RPS6KC1: variants seen among roughly 807,000 people sequenced by gnomAD.
RPS6KC1 encodes the protein ribosomal protein S6 kinase C1, also known as inactive ribosomal protein S6 kinase delta-1.
A neutral mutation model predicts 103.8 loss-of-function variants in RPS6KC1; 54 were observed. The observed-to-expected ratio is 0.52, with a 90% CI of 0.42 to 0.65. The LOEUF (loss-of-function observed/expected upper bound fraction) is 0.65. Ranked by LOEUF, RPS6KC1 falls within the 30% of genes least tolerant of loss-of-function variation. The pLI is 0.00. For missense variants in RPS6KC1, 1,151 were observed against 1,253.8 expected (o/e 0.92, Z 1.24); for synonymous variants, 439 against 438.7 (o/e 1.00, Z -0.01).
chr1:213,436,277 G>T, the RPS6KC1 span, among the ~76,000 whole-genome samples: 1 of 152,170 alleles, frequency 6.6e-6, no homozygotes, highest in Non-Finnish European at 1.5e-5. Flanking sequence ...CATTTCGAGT[G>T]TTCAATAGCT....
At chr1:213,399,774 G>C in the RPS6KC1 span, among the ~76,000 whole-genome samples, 1 of 152,120 alleles carries the variant, frequency 6.6e-6, no homozygotes, top group Non-Finnish European at 1.5e-5. Context: ...GTCCATCGCT[G>C]TGGGAAGAAG....
intron 1 of RPS6KC1, among the ~76,000 whole-genome samples, chr1:213,054,663 T>C (rs964606228): frequency 1.3e-5 from 2 of 152,232 alleles, no homozygotes; most frequent in African/African-American, 4.8e-5. Flanking sequence ...AAATTTTGGA[T>C]AGCAAAAGAG....
chr1:213,563,366 C>T, the RPS6KC1 span, among the ~76,000 whole-genome samples: 1 of 151,800 alleles, frequency 6.6e-6, no homozygotes, highest in Non-Finnish European at 1.5e-5. Flanking sequence ...GGTCTTTGTA[C>T]AGATTATATA....
the RPS6KC1 span, among the ~76,000 whole-genome samples, chr1:213,862,289 A>G: frequency 6.6e-6 from 1 of 152,316 alleles, no homozygotes; most frequent in Admixed American, 6.5e-5. Flanking sequence ...CCATGCAAGG[A>G]GAAGAATAGA....
the RPS6KC1 span, among the ~76,000 whole-genome samples, chr1:213,745,844 A>G: frequency 1.3e-5 from 2 of 152,012 alleles, no homozygotes; most frequent in Non-Finnish European, 2.9e-5. Context: ...TTAAATCTCT[A>G]TTTACACCAC....
chr1:213,205,743 A>G (rs1454281656), intron 8 of RPS6KC1, among the ~76,000 whole-genome samples: 2 of 151,528 alleles, frequency 1.3e-5, no homozygotes, highest in East Asian at 1.9e-4. Context: ...ATGCTTTGAT[A>G]TTTTATTCTG....
At chr1:213,074,843 A>ATTTTTTTTTTTTTTTT (rs752747801) in intron 2 of RPS6KC1, among the ~76,000 whole-genome samples, 2 of 71,268 alleles carry the variant, frequency 2.8e-5, no homozygotes, top group African/African-American at 1.2e-4. Flanking sequence ...ACTAGAATAA[A>ATTTTTTTTTTTTTTTT]TTTTTTTTTT....
chr1:213,510,695 G>C, the RPS6KC1 span, among the ~76,000 whole-genome samples: 1 of 152,120 alleles, frequency 6.6e-6, no homozygotes, highest in Non-Finnish European at 1.5e-5. Context: ...CCATTTCACT[G>C]TTTGACTCTA....
At chr1:213,632,164 G>A in the RPS6KC1 span, among the ~76,000 whole-genome samples, 1 of 152,176 alleles carries the variant, frequency 6.6e-6, no homozygotes, top group South Asian at 2.1e-4. Flanking sequence ...ACCCAATGAA[G>A]GACATTTGGG....
chr1:213,700,365 G>A, the RPS6KC1 span, among the ~76,000 whole-genome samples: 103 of 152,056 alleles, frequency 6.8e-4, no homozygotes, highest in Non-Finnish European at 1.4e-3. Flanking sequence ...ATGTGCATGT[G>A]CATTTATTTC....
At chr1:213,499,527 A>C in the RPS6KC1 span, among the ~76,000 whole-genome samples, 1 of 152,218 alleles carries the variant, frequency 6.6e-6, no homozygotes, top group Admixed American at 6.5e-5. Context: ...TCACATGCAC[A>C]ATTCACAATA....
chr1:213,340,071 T>G, the RPS6KC1 span, among the ~76,000 whole-genome samples: 1 of 152,148 alleles, frequency 6.6e-6, no homozygotes, highest in Non-Finnish European at 1.5e-5. Flanking sequence ...TTTTTGTATT[T>G]TTAGTAGAGA....
chr1:213,060,066 C>T (rs1211602870), intron 1 of RPS6KC1, among the ~76,000 whole-genome samples: 1 of 152,222 alleles, frequency 6.6e-6, no homozygotes, highest in East Asian at 1.9e-4. Context: ...GATCCGCCCA[C>T]CTCAGCCTCC....
At chr1:213,329,244 G>C in the RPS6KC1 span, among the ~76,000 whole-genome samples, 1 of 152,058 alleles carries the variant, frequency 6.6e-6, no homozygotes, top group African/African-American at 2.4e-5. Flanking sequence ...GTCTCCCAAC[G>C]GCCTTGATCC....
At chr1:213,427,232 G>A in the RPS6KC1 span, among the ~76,000 whole-genome samples, 4 of 152,166 alleles carry the variant, frequency 2.6e-5, no homozygotes, top group Non-Finnish European at 4.4e-5. Flanking sequence ...GGAAAACTGG[G>A]GACATTAAGA....
the RPS6KC1 span, among the ~76,000 whole-genome samples, chr1:213,694,274 TCA>T: frequency 6.6e-6 from 1 of 152,212 alleles, no homozygotes; most frequent in African/African-American, 2.4e-5. Context: ...AATTTAGATC[TCA>T]GAGTACAGAC....
intron 6 of RPS6KC1, among the ~76,000 whole-genome samples, chr1:213,137,985 G>A (rs2086580504): frequency 6.6e-6 from 1 of 150,542 alleles, no homozygotes; most frequent in South Asian, 2.1e-4. Flanking sequence ...GTTTCCTAGT[G>A]GTGCTGAAAA....
the RPS6KC1 span, among the ~76,000 whole-genome samples, chr1:213,555,051 G>C: frequency 2.6e-5 from 4 of 152,154 alleles, no homozygotes; most frequent in Non-Finnish European, 5.9e-5. Flanking sequence ...TTTGGGAGTG[G>C]GAAGTGGTAT....
chr1:213,158,400 T>G (rs2090129621), intron 6 of RPS6KC1, among the ~76,000 whole-genome samples: 1 of 152,190 alleles, frequency 6.6e-6, no homozygotes, highest in Non-Finnish European at 1.5e-5. Flanking sequence ...CACCTACAGC[T>G]TCCTCAAAAT....
Sources: allele counts gnomAD v4.1 joint callset (sites outside exome capture counted in the v4.1 genomes callset), GRCh38; gene constraint gnomAD v4.1.1; transcripts MANE v1.5; gene names NCBI Gene and HGNC (gene_info 2026-07-23, HGNC 2026-07-21).